The following MACROD2 variants were observed in gnomAD, a reference collection of about 807,000 sequenced individuals.
The protein encoded by MACROD2 is mono-ADP ribosylhydrolase 2, also known as ADP-ribose glycohydrolase MACROD2.
Under a neutral mutation model 70.4 loss-of-function variants are expected in MACROD2, and 36 were observed. The ratio of observed to expected loss-of-function variants is 0.51; its 90% CI spans 0.39 to 0.68. The LOEUF (loss-of-function observed/expected upper bound fraction) is 0.68, where lower values mean the gene tolerates loss of function less well. MACROD2 is among the 30% of genes least tolerant of loss of function. The pLI is 0.00. For synonymous variants in MACROD2, 172 were observed against 178.8 expected (o/e 0.96, Z 0.30); for missense variants, 496 against 538.4 (o/e 0.92, Z 0.78).
intron 11 of MACROD2, among the ~76,000 whole-genome samples, chr20:15,933,964 A>G (rs963278350): frequency 5.3e-5 from 8 of 152,190 alleles, no homozygotes; most frequent in African/African-American, 1.9e-4. Flanking sequence ...TTTTAAAATA[A>G]AATAGCACTT....
At chr20:14,042,588 C>T (rs2053407877) in intron 2 of MACROD2, among the ~76,000 whole-genome samples, 1 of 152,166 alleles carries the variant, frequency 6.6e-6, no homozygotes, top group Admixed American at 6.5e-5. Flanking sequence ...AACCTGCAAC[C>T]TCCGCCTCCT....
intron 8 of MACROD2, among the ~76,000 whole-genome samples, chr20:15,821,049 G>A (rs775791988): frequency 6.6e-6 from 1 of 151,956 alleles, no homozygotes; most frequent in Non-Finnish European, 1.5e-5. Flanking sequence ...CAGATCCTTG[G>A]TCATACTGCA....
intron 8 of MACROD2, among the ~76,000 whole-genome samples, chr20:15,561,616 T>TA: frequency 6.6e-6 from 1 of 152,268 alleles, no homozygotes; most frequent in East Asian, 1.9e-4. Context: ...AATTTTTTTT[T>TA]AAATGAATGA....
At chr20:15,510,398 G>A (rs188838087) in intron 8 of MACROD2, among the ~76,000 whole-genome samples, 10 of 152,106 alleles carry the variant, frequency 6.6e-5, no homozygotes, top group African/African-American at 2.4e-4. Context: ...ACTAGGACTC[G>A]TATGCTGCCC....
At chr20:15,745,491 C>A (rs1185292993) in intron 8 of MACROD2, among the ~76,000 whole-genome samples, 2 of 152,100 alleles carry the variant, frequency 1.3e-5, no homozygotes, top group Admixed American at 6.6e-5. Flanking sequence ...GGCAAGAATT[C>A]TCTCTATAGC....
intron 5 of MACROD2, among the ~76,000 whole-genome samples, chr20:15,092,612 A>G (rs2075800761): frequency 6.6e-6 from 1 of 151,932 alleles, no homozygotes; most frequent in Non-Finnish European, 1.5e-5. Context: ...ACTTCAGTTT[A>G]AAAAGTATTG....
chr20:14,122,861 G>A (rs140742740), intron 3 of MACROD2, among the ~76,000 whole-genome samples: 3 of 152,220 alleles, frequency 2.0e-5, no homozygotes, highest in African/African-American at 4.8e-5. Context: ...CACAGTGACT[G>A]TGTCTATCTA....
intron 3 of MACROD2, among the ~76,000 whole-genome samples, chr20:14,194,727 G>C (rs1329066125): frequency 6.6e-6 from 1 of 152,192 alleles, no homozygotes; most frequent in East Asian, 1.9e-4. Context: ...AGACTAAAAT[G>C]ATTTCAAAGC....
chr20:15,685,549 A>G (rs2146866936), intron 8 of MACROD2, among the ~76,000 whole-genome samples: 1 of 152,294 alleles, frequency 6.6e-6, no homozygotes, highest in East Asian at 1.9e-4. Flanking sequence ...AATGATTCCC[A>G]AGAACCTAGA....
At chr20:14,080,070 A>G (rs2053969678) in intron 2 of MACROD2, among the ~76,000 whole-genome samples, 1 of 152,116 alleles carries the variant, frequency 6.6e-6, no homozygotes. Context: ...CAAGAGAGGA[A>G]TTCACCCAAA....
intron 2 of MACROD2, among the ~76,000 whole-genome samples, chr20:14,007,713 C>T (rs564788759): frequency 2.0e-5 from 3 of 152,216 alleles, no homozygotes; most frequent in African/African-American, 7.2e-5. Flanking sequence ...TAAGGCTCCA[C>T]TAGAATACCA....
chr20:14,482,592 T>A (rs1199968746), intron 3 of MACROD2, among the ~76,000 whole-genome samples: 2 of 152,148 alleles, frequency 1.3e-5, no homozygotes, highest in African/African-American at 4.8e-5. Flanking sequence ...ATACTTTAGA[T>A]GTGTAACAAG....
chr20:14,397,737 G>C (rs759376266), intron 3 of MACROD2, among the ~76,000 whole-genome samples: 3 of 151,892 alleles, frequency 2.0e-5, no homozygotes, highest in Non-Finnish European at 4.4e-5. Context: ...TTTTTGTGCT[G>C]GGAACATTTG....
At chr20:15,824,090 A>C (rs2063970399) in intron 8 of MACROD2, among the ~76,000 whole-genome samples, 1 of 152,170 alleles carries the variant, frequency 6.6e-6, no homozygotes, top group Non-Finnish European at 1.5e-5. Flanking sequence ...GGTCTCACTG[A>C]TAAGCTCAGC....
intron 8 of MACROD2, among the ~76,000 whole-genome samples, chr20:15,652,390 C>G (rs1303334254): frequency 1.3e-5 from 2 of 152,108 alleles, no homozygotes; most frequent in Non-Finnish European, 2.9e-5. Flanking sequence ...TCACACTAAG[C>G]TTTTGTATTT....
intron 5 of MACROD2, chr20:14,905,373 C>A (rs957307612): frequency 6.6e-6 from 1 of 152,072 alleles, no homozygotes; most frequent in Non-Finnish European, 1.5e-5. Context: ...AAAGGGATTA[C>A]TATGAAGTCA....
intron 8 of MACROD2, among the ~76,000 whole-genome samples, chr20:15,555,757 A>T (rs922460336): frequency 2.9e-5 from 4 of 140,074 alleles, no homozygotes; most frequent in African/African-American, 1.1e-4. Flanking sequence ...TGAACCTGGA[A>T]GGCGGAGGTT....
chr20:15,662,376 T>C (rs372566313), intron 8 of MACROD2, among the ~76,000 whole-genome samples: 3 of 152,356 alleles, frequency 2.0e-5, no homozygotes, highest in African/African-American at 7.2e-5. Flanking sequence ...CAGGCTGGGA[T>C]TAGGTCTTTT....
chr20:15,367,459 A>T (rs2045427267), intron 6 of MACROD2, among the ~76,000 whole-genome samples: 1 of 152,218 alleles, frequency 6.6e-6, no homozygotes, highest in Non-Finnish European at 1.5e-5. Flanking sequence ...TATTTTCTTC[A>T]GTGGTATCAA....
Sources: gnomAD v4.1 joint callset for allele counts (sites outside exome capture counted in the v4.1 genomes callset) on GRCh38, gnomAD v4.1.1 for gene constraint, MANE v1.5 for transcripts, NCBI Gene and HGNC (gene_info 2026-07-23, HGNC 2026-07-21) for gene names.